SMCHD1: variants seen among roughly 807,000 people sequenced by gnomAD.
SMCHD1 encodes structural maintenance of chromosomes flexible hinge domain containing 1, also known as structural maintenance of chromosomes flexible hinge domain-containing protein 1.
Under a neutral mutation model 254.7 loss-of-function variants are expected in SMCHD1, and 78 were observed. The observed-to-expected ratio is 0.31, with a 90% CI of 0.26 to 0.37. The LOEUF (loss-of-function observed/expected upper bound fraction) is 0.37, where lower values mean the gene tolerates loss of function less well. SMCHD1 is among the 10% of genes least tolerant of loss of function. The pLI, the probability that SMCHD1 is intolerant of heterozygous loss-of-function variation, is 1.00. For missense variants in SMCHD1, 1,840 were observed against 2,408.1 expected (o/e 0.76, Z 4.94); for synonymous variants, 766 against 794.9 (o/e 0.96, Z 0.61).
chr18:2,771,352 A>G (rs1167437400), intron 39 of SMCHD1, among the ~76,000 whole-genome samples, 181 bp from the exon 40 acceptor site: 8 of 152,144 alleles, frequency 5.3e-5, no homozygotes. Flanking sequence ...ATTTTTGTAT[A>G]TCAGAATTGA....
chr18:2,749,564 T>G (rs2075532903), intron 30 of SMCHD1, among the ~76,000 whole-genome samples: 2 of 152,346 alleles, frequency 1.3e-5, no homozygotes, highest in South Asian at 4.1e-4. Context: ...ACTGTGAATG[T>G]AGTATTGCAG....
At chr18:2,717,153 A>G (rs1343383544) in intron 17 of SMCHD1, among the ~76,000 whole-genome samples, 1 of 152,090 alleles carries the variant, frequency 6.6e-6, no homozygotes, top group Non-Finnish European at 1.5e-5. Context: ...TGTACCACCC[A>G]GGTCTGGGAG....
chr18:2,660,257 G>T (rs1046964946), intron 1 of SMCHD1, among the ~76,000 whole-genome samples: 1 of 152,000 alleles, frequency 6.6e-6, no homozygotes, highest in Non-Finnish European at 1.5e-5. Flanking sequence ...CCCGGGAGTC[G>T]GAAGTTGCAG....
chr18:2,696,973 T>C, intron 8 of SMCHD1, 59 bp from the exon 9 acceptor site: 1 of 781,802 alleles, frequency 1.3e-6, no homozygotes, highest in South Asian at 1.9e-5. Flanking sequence ...TGATAGAAGA[T>C]TACATTAACT....
At chr18:2,661,294 A>G (rs781190999) in intron 1 of SMCHD1, among the ~76,000 whole-genome samples, 2 of 152,086 alleles carry the variant, frequency 1.3e-5, no homozygotes, top group Non-Finnish European at 2.9e-5. Flanking sequence ...ATGTATATCT[A>G]TGTAACAAAC....
intron 1 of SMCHD1, among the ~76,000 whole-genome samples, chr18:2,658,877 CACACATATAT>C (rs1304535344): frequency 2.7e-5 from 4 of 150,258 alleles, no homozygotes; most frequent in Middle Eastern, 3.5e-3. Flanking sequence ...TACACACATA[CACACATATAT>C]ACACATATAT....
At chr18:2,794,311 T>C (rs2076221957) in intron 45 of SMCHD1, among the ~76,000 whole-genome samples, 1 of 152,056 alleles carries the variant, frequency 6.6e-6, no homozygotes, top group Non-Finnish European at 1.5e-5. Context: ...TCGAACAGCA[T>C]AGTGAAACCC....
In SMCHD1 at chr18:2,738,407, C is replaced by T. The variant is rs767185365; in HGVS notation, c.3287C>T (p.Thr1096Ile). The change falls in exon 26 of 48, where the codon ACT becomes ATT. Residue 1096 changes from threonine to isoleucine, a missense_variant. By Grantham distance (89) the Thr-to-Ile change is moderately conservative. Coordinates refer to ENST00000320876, the MANE Select transcript of SMCHD1 (RefSeq NM_015295.3). ...ALAEKIKVNW[T>I]PEINKEHLLQ... ...CTCTTTTTCTCCTAGGTTAATTGGA[C>T]TCCTGAGATTAACAAAGAACACTTG... 2 of 1,598,322 alleles carry T rather than the reference C, an allele frequency of 1.3e-6. No homozygotes were observed. Among genetic ancestry groups the T allele is most frequent in the East Asian group, 4.5e-5 (2 of 44,362 alleles).
chr18:2,800,816 T>A (rs1325704828), intron 47 of SMCHD1: 5 of 152,174 alleles, frequency 3.3e-5, no homozygotes, highest in Non-Finnish European at 7.3e-5. Flanking sequence ...AATGTAATTG[T>A]ACAACTAACA....
intron 13 of SMCHD1, among the ~76,000 whole-genome samples, chr18:2,704,240 A>G (rs1353892121): frequency 1.3e-5 from 2 of 152,202 alleles, no homozygotes; most frequent in Non-Finnish European, 2.9e-5. Flanking sequence ...ATAATTTATT[A>G]TAGCATTAAA....
At chr18:2,670,064 C>A (rs1478832330) in intron 3 of SMCHD1, among the ~76,000 whole-genome samples, 3 of 152,128 alleles carry the variant, frequency 2.0e-5, no homozygotes, top group African/African-American at 4.8e-5. Context: ...TCTTTTCATC[C>A]CTGTCCATAA....
At chr18:2,657,450 C>A (rs1568052630) in intron 1 of SMCHD1, among the ~76,000 whole-genome samples, 2 of 152,184 alleles carry the variant, frequency 1.3e-5, no homozygotes, top group East Asian at 3.9e-4. Context: ...TTGTTGAATG[C>A]TTTCTATTCA....
chr18:2,695,045 T>C (rs1221988272), intron 8 of SMCHD1, among the ~76,000 whole-genome samples: 2 of 29,322 alleles, frequency 6.8e-5, no homozygotes, highest in East Asian at 1.2e-3. Context: ...TTCCATACCA[T>C]ATATATTTAT....
intron 41 of SMCHD1, 68 bp from the exon 42 acceptor site, chr18:2,775,666 T>G (rs1216266079): frequency 1.1e-5 from 15 of 1,398,976 alleles, no homozygotes; most frequent in Non-Finnish European, 1.4e-5. Context: ...AGGCTTGGGC[T>G]TTTAACATAA....
intron 45 of SMCHD1, among the ~76,000 whole-genome samples, chr18:2,791,515 C>T (rs1228470652): frequency 3.3e-5 from 5 of 152,190 alleles, no homozygotes; most frequent in Admixed American, 3.3e-4. Context: ...CTACTGCATT[C>T]CAGCCTGGGT....
chr18:2,730,025 T>C (rs117047119), intron 24 of SMCHD1, among the ~76,000 whole-genome samples: 2,796 of 152,346 alleles, frequency 0.018, 41 homozygotes, highest in Middle Eastern at 0.1. Flanking sequence ...TTTTGCTTTT[T>C]ATCGTTCTCA....
intron 45 of SMCHD1, among the ~76,000 whole-genome samples, chr18:2,794,096 G>A (rs1408142815): frequency 6.6e-6 from 1 of 152,148 alleles, no homozygotes; most frequent in Non-Finnish European, 1.5e-5. Flanking sequence ...TTTAGGTTTT[G>A]CAAGTCAAGT....
intron 20 of SMCHD1, among the ~76,000 whole-genome samples, chr18:2,723,513 A>G (rs2074968462): frequency 6.6e-6 from 1 of 152,112 alleles, no homozygotes; most frequent in Non-Finnish European, 1.5e-5. Flanking sequence ...TGGGCTGGGC[A>G]GTTTCCTCAA....
chr18:2,717,024 A>T (rs985149180), intron 17 of SMCHD1, among the ~76,000 whole-genome samples: 2 of 152,146 alleles, frequency 1.3e-5, no homozygotes, highest in Non-Finnish European at 2.9e-5. Flanking sequence ...GCTCTCCTCA[A>T]TATTAGATCA....
Sources: allele counts gnomAD v4.1 joint callset (sites outside exome capture counted in the v4.1 genomes callset), GRCh38; gene constraint gnomAD v4.1.1; transcripts MANE v1.5; gene names NCBI Gene and HGNC (gene_info 2026-07-23, HGNC 2026-07-21).